The following CDK14 variants were observed in gnomAD, a reference collection of about 807,000 sequenced individuals.
CDK14 encodes the protein cyclin dependent kinase 14, also known as cyclin-dependent kinase 14.
Under a neutral mutation model 60.7 loss-of-function variants are expected in CDK14, and 34 were observed. The ratio of observed to expected loss-of-function variants is 0.56; its 90% CI spans 0.43 to 0.75. CDK14 has a LOEUF of 0.75. Among genes scored for constraint, CDK14 ranks in the 30% least tolerant of loss-of-function variants. The pLI, the probability that CDK14 is intolerant of heterozygous loss-of-function variation, is 0.00. For synonymous variants in CDK14, 197 were observed against 203.7 expected, an observed-to-expected ratio of 0.97 and a Z score of 0.28; for missense variants, 482 against 564.1, an observed-to-expected ratio of 0.85 and a Z score of 1.47.
At chr7:90,664,844 A>G (rs1025696499) in intron 2 of CDK14, among the ~76,000 whole-genome samples, 1 of 152,042 alleles carries the variant, frequency 6.6e-6, no homozygotes, top group African/African-American at 2.4e-5. Context: ...ATGCTAAATG[A>G]CGAGTTAATT....
chr7:90,692,685 G>A (rs925939720), intron 2 of CDK14: 1 of 974,770 alleles, frequency 1.0e-6, no homozygotes, highest in Non-Finnish European at 1.2e-6. Context: ...CCTGCCCCAG[G>A]ACTAGGGGAG....
At chr7:91,017,139 C>G (rs1796321529) in intron 10 of CDK14, among the ~76,000 whole-genome samples, 1 of 152,156 alleles carries the variant, frequency 6.6e-6, no homozygotes, top group Admixed American at 6.5e-5. Context: ...GTTAATACTT[C>G]TTAGTGAGAT....
intron 14 of CDK14, among the ~76,000 whole-genome samples, chr7:91,180,066 A>C (rs951792867): frequency 6.6e-6 from 1 of 152,208 alleles, no homozygotes; most frequent in Non-Finnish European, 1.5e-5. Flanking sequence ...CTATAAGGGA[A>C]GTGCACTGGA....
intron 14 of CDK14, among the ~76,000 whole-genome samples, chr7:91,140,083 C>T (rs1307336074): frequency 1.3e-5 from 2 of 151,988 alleles, no homozygotes; most frequent in Non-Finnish European, 2.9e-5. Flanking sequence ...TTCTTTAGGA[C>T]GGGATGAAAG....
chr7:90,955,238 A>G (rs1269616624), intron 8 of CDK14, among the ~76,000 whole-genome samples: 1 of 152,180 alleles, frequency 6.6e-6, no homozygotes, highest in Non-Finnish European at 1.5e-5. Flanking sequence ...GGAAAGTATT[A>G]TACTCTCCTC....
intron 4 of CDK14, among the ~76,000 whole-genome samples, chr7:90,786,534 A>G (rs1271326339): frequency 6.6e-6 from 1 of 152,184 alleles, no homozygotes; most frequent in Non-Finnish European, 1.5e-5. Context: ...TGTTTTTCAT[A>G]CAGTAATATA....
intron 14 of CDK14, among the ~76,000 whole-genome samples, chr7:91,176,131 A>C (rs1259974263): frequency 6.6e-6 from 1 of 151,708 alleles, no homozygotes; most frequent in South Asian, 2.1e-4. Flanking sequence ...AGTGCAATCA[A>C]ACTAGAACTC....
intron 6 of CDK14, among the ~76,000 whole-genome samples, chr7:90,893,457 T>G (rs1792201580): frequency 6.6e-6 from 1 of 152,156 alleles, no homozygotes; most frequent in Non-Finnish European, 1.5e-5. Context: ...CTTATTAGTA[T>G]GTCATCACAG....
rs539795329 is a variant in CDK14 at position 91,068,510 on chromosome 7, T to C, written c.1106-10922T>C. 9.2e-5 allele frequency among the ~76,000 whole-genome samples: 14 copies of C among 152,322 alleles called. No homozygotes were observed. In the South Asian group the frequency reaches 2.9e-3, roughly 32 times the overall value. ...TCTTCTCCAAATAATAATTGAGTTG[T>C]GTGTGAAATTCCACATCTTTGTAAC... is the stretch of plus-strand genomic sequence containing the variant. On this transcript the variant is annotated intron_variant, in intron 11 of 14. Coordinates refer to ENST00000380050, the MANE Select transcript of CDK14 (RefSeq NM_001287135.2).
chr7:90,773,690 C>T (rs963521761), intron 4 of CDK14, among the ~76,000 whole-genome samples: 1 of 151,870 alleles, frequency 6.6e-6, no homozygotes, highest in African/African-American at 2.4e-5. Context: ...GAATTAAAGA[C>T]TGTTATCTTG....
intron 2 of CDK14, among the ~76,000 whole-genome samples, chr7:90,639,719 G>C (rs1347012443): frequency 6.7e-6 from 1 of 149,528 alleles, no homozygotes; most frequent in African/African-American, 2.5e-5. Context: ...CCTGCCCCCA[G>C]AGGTGGAGCC....
intron 2 of CDK14, among the ~76,000 whole-genome samples, chr7:90,620,650 C>A (rs567100669): frequency 6.6e-6 from 1 of 152,034 alleles, no homozygotes; most frequent in Non-Finnish European, 1.5e-5. Context: ...GGTCTTGGCA[C>A]GGAGCAGGCA....
chr7:90,681,621 A>G (rs1390435336), intron 2 of CDK14, among the ~76,000 whole-genome samples: 1 of 152,212 alleles, frequency 6.6e-6, no homozygotes, highest in African/African-American at 2.4e-5. Context: ...ATAAGTGCAT[A>G]AAAAAGAATG....
intron 2 of CDK14, among the ~76,000 whole-genome samples, chr7:90,636,134 C>T (rs1207947930): frequency 6.6e-6 from 1 of 150,764 alleles, no homozygotes; most frequent in Non-Finnish European, 1.5e-5. Context: ...ATTTCCTTCT[C>T]CTGCCTAATT....
intron 14 of CDK14, among the ~76,000 whole-genome samples, chr7:91,144,385 A>G (rs887131989): frequency 6.6e-6 from 1 of 152,230 alleles, no homozygotes; most frequent in African/African-American, 2.4e-5. Context: ...CTACATAAGC[A>G]TTTGTTTTTA....
At chr7:91,186,735 T>A (rs1802203945) in intron 14 of CDK14, among the ~76,000 whole-genome samples, 1 of 152,184 alleles carries the variant, frequency 6.6e-6, no homozygotes, top group African/African-American at 2.4e-5. Context: ...GGGTTTTTTG[T>A]TTGGTTTTGT....
At chr7:90,780,941 T>A (rs1229899607) in intron 4 of CDK14, among the ~76,000 whole-genome samples, 2 of 152,040 alleles carry the variant, frequency 1.3e-5, no homozygotes, top group Non-Finnish European at 2.9e-5. Context: ...CTGGGTCAAA[T>A]GGTATTTCTA....
At chr7:90,978,249 T>C (rs1213140843) in intron 9 of CDK14, among the ~76,000 whole-genome samples, 1 of 152,088 alleles carries the variant, frequency 6.6e-6, no homozygotes, top group African/African-American at 2.4e-5. Flanking sequence ...AATTTGGAGA[T>C]AGAGGTCAGC....
chr7:90,716,442 A>T (rs1202140134), intron 2 of CDK14: 1 of 152,088 alleles, frequency 6.6e-6, no homozygotes, highest in Non-Finnish European at 1.5e-5. Flanking sequence ...TACTTAGGAT[A>T]ATTTTGTAGT....
Sources: allele counts gnomAD v4.1 joint callset (sites outside exome capture counted in the v4.1 genomes callset), GRCh38; gene constraint gnomAD v4.1.1; transcripts MANE v1.5; gene names NCBI Gene and HGNC (gene_info 2026-07-23, HGNC 2026-07-21).